The following XRCC4 variants were observed in gnomAD, a reference collection of about 807,000 sequenced individuals.
The protein encoded by XRCC4 is DNA repair protein XRCC4.
A neutral mutation model predicts 39.1 loss-of-function variants in XRCC4; 28 were observed. That is an observed-to-expected ratio of 0.72 (90% CI 0.53 to 0.98). The LOEUF (loss-of-function observed/expected upper bound fraction) is 0.98, where lower values mean the gene tolerates loss of function less well. Among genes scored for constraint, XRCC4 ranks in the 50% least tolerant of loss-of-function variants. XRCC4 has a pLI of 0.00. For synonymous variants in XRCC4, 123 were observed against 126.4 expected (o/e 0.97, Z 0.18); for missense variants, 350 against 376.4 (o/e 0.93, Z 0.58).
At chr5:83,364,934 T>C in the XRCC4 span, among the ~76,000 whole-genome samples, 1 of 152,006 alleles carries the variant, frequency 6.6e-6, no homozygotes, top group Non-Finnish European at 1.5e-5. Context: ...AACCCAGGAG[T>C]ATAAGTTTAG....
At chr5:83,115,430 AAAAC>A (rs145922134) in intron 3 of XRCC4, among the ~76,000 whole-genome samples, 25 of 151,544 alleles carry the variant, frequency 1.6e-4, no homozygotes, top group East Asian at 6.0e-4. Context: ...TCTGTCTCAA[AAAAC>A]AAACAAACAA....
At chr5:83,134,680 C>G (rs1030529213) in intron 3 of XRCC4, among the ~76,000 whole-genome samples, 1 of 152,188 alleles carries the variant, frequency 6.6e-6, no homozygotes, top group African/African-American at 2.4e-5. Context: ...CCAGCAGCAG[C>G]AACTCACTCG....
intron 3 of XRCC4, among the ~76,000 whole-genome samples, chr5:83,163,455 A>T (rs761528975): frequency 6.6e-6 from 1 of 152,232 alleles, no homozygotes; most frequent in Non-Finnish European, 1.5e-5. Context: ...AGCTTCATTA[A>T]TGAAACCATT....
chr5:83,370,275 A>G, the XRCC4 span, among the ~76,000 whole-genome samples: 3 of 152,054 alleles, frequency 2.0e-5, no homozygotes, highest in African/African-American at 7.2e-5. Flanking sequence ...AGATTCCCCA[A>G]TACTCCAATT....
At chr5:83,320,372 AAAAAAAT>A (rs1295195288) in intron 7 of XRCC4, among the ~76,000 whole-genome samples, 4 of 148,680 alleles carry the variant, frequency 2.7e-5, no homozygotes, top group African/African-American at 1.0e-4. Flanking sequence ...AATAAAAAAT[AAAAAAAT>A]AATAAAAAAA....
chr5:83,246,724 T>C (rs904326009), intron 6 of XRCC4, among the ~76,000 whole-genome samples: 1 of 152,232 alleles, frequency 6.6e-6, no homozygotes, highest in African/African-American at 2.4e-5. Flanking sequence ...CTCATTTTTT[T>C]CCATTTTATA....
chr5:83,230,181 A>G (rs1212642578), intron 6 of XRCC4, among the ~76,000 whole-genome samples: 1 of 152,070 alleles, frequency 6.6e-6, no homozygotes, highest in African/African-American at 2.4e-5. Context: ...TCAAGTTACA[A>G]GAGATTTAAA....
At chr5:83,185,222 A>G (rs1750382551) in intron 3 of XRCC4, among the ~76,000 whole-genome samples, 1 of 152,000 alleles carries the variant, frequency 6.6e-6, no homozygotes, top group African/African-American at 2.4e-5. Flanking sequence ...GGACATAACT[A>G]TGGGCATCTT....
chr5:83,312,597 G>C (rs1017230956), intron 7 of XRCC4, among the ~76,000 whole-genome samples: 3 of 152,256 alleles, frequency 2.0e-5, no homozygotes, highest in Admixed American at 1.3e-4. Flanking sequence ...TTATGTTTAG[G>C]AATGCTCCGT....
intron 1 of XRCC4, among the ~76,000 whole-genome samples, chr5:83,080,938 A>G (rs535647650): frequency 1.3e-5 from 2 of 152,346 alleles, no homozygotes; most frequent in South Asian, 4.1e-4. Context: ...AATTGTGAAT[A>G]AGCAAAAAGA....
chr5:83,355,461 G>A (rs1757179614), downstream of XRCC4, among the ~76,000 whole-genome samples: 1 of 152,022 alleles, frequency 6.6e-6, no homozygotes, highest in African/African-American at 2.4e-5. Flanking sequence ...ATGAAAGAAT[G>A]CATGTTTATC....
At chr5:83,162,618 T>G (rs905027858) in intron 3 of XRCC4, among the ~76,000 whole-genome samples, 1 of 152,192 alleles carries the variant, frequency 6.6e-6, no homozygotes, top group Non-Finnish European at 1.5e-5. Context: ...TACCACTGAG[T>G]CATTTTATAA....
At chr5:83,275,348 G>T (rs1754289724) in intron 7 of XRCC4, among the ~76,000 whole-genome samples, 1 of 149,356 alleles carries the variant, frequency 6.7e-6, no homozygotes, top group Admixed American at 6.7e-5. Flanking sequence ...AGGCTGGAGT[G>T]CAGTGGCGGG....
rs201263177 is a variant in XRCC4, at chr5:83,245,234, TAA to T, written c.746-13285_746-13284del. 4.1e-5 allele frequency among the ~76,000 whole-genome samples: 6 copies of T among 146,098 alleles called. No individual in the cohort carries two copies. The East Asian group carries it at 9.8e-4, about 24-fold the overall frequency. On this transcript the variant is annotated intron_variant, in intron 6 of 7. Coordinates refer to ENST00000396027, the MANE Select transcript of XRCC4 (RefSeq NM_003401.5). The stretch of plus-strand genomic sequence containing the variant: ...GTAAAAAAGCAACAGGTGTTTTGGT[TAA>T]AAAAAAAAAACTATTCAGCGCTTAA...
At chr5:83,100,215 G>T (rs1260652278) in intron 1 of XRCC4, among the ~76,000 whole-genome samples, 1 of 151,988 alleles carries the variant, frequency 6.6e-6, no homozygotes. Flanking sequence ...GTCTCCAAAG[G>T]TTCAAATGTG....
At chr5:83,230,159 A>G (rs972555388) in intron 6 of XRCC4, among the ~76,000 whole-genome samples, 1 of 152,032 alleles carries the variant, frequency 6.6e-6, no homozygotes, top group African/African-American at 2.4e-5. Context: ...TACCATAACA[A>G]TTTTAATGGT....
chr5:83,149,068 AT>A (rs1748589840), intron 3 of XRCC4, among the ~76,000 whole-genome samples: 1 of 152,174 alleles, frequency 6.6e-6, no homozygotes, highest in Non-Finnish European at 1.5e-5. Context: ...AACATAGTGC[AT>A]TTTGCTTTAA....
chr5:83,347,499 C>T (rs1002371896), intron 7 of XRCC4, among the ~76,000 whole-genome samples: 2 of 152,056 alleles, frequency 1.3e-5, no homozygotes, highest in Admixed American at 1.3e-4. Flanking sequence ...AGGGGAAGTG[C>T]TACACACTTT....
At chr5:83,109,095 C>G (rs941848706) in intron 2 of XRCC4, among the ~76,000 whole-genome samples, 2 of 151,664 alleles carry the variant, frequency 1.3e-5, no homozygotes, top group African/African-American at 2.4e-5. Flanking sequence ...ATATTGGTAC[C>G]TTGCAAGACT....
Sources: gnomAD v4.1 joint callset for allele counts (sites outside exome capture counted in the v4.1 genomes callset) on GRCh38, gnomAD v4.1.1 for gene constraint, MANE v1.5 for transcripts, NCBI Gene and HGNC (gene_info 2026-07-23, HGNC 2026-07-21) for gene names.